Variants in MCC observed in about 807,000 individuals in gnomAD.
The protein encoded by MCC is MCC regulator of Wnt signaling pathway.
A neutral mutation model predicts 116.2 loss-of-function variants in MCC; 90 were observed. The observed-to-expected ratio is 0.77, with a 90% confidence interval of 0.65 to 0.92. The LOEUF is 0.92. Among genes scored for constraint, MCC ranks in the 40% least tolerant of loss-of-function variants. The probability of loss-of-function intolerance (pLI) is 0.00; values close to 1 mark genes in which losing one functional copy is unlikely to be tolerated. For synonymous variants in MCC, 578 were observed against 510.5 expected (o/e 1.13, Z -1.78); for missense variants, 1,516 against 1,312.2 (o/e 1.16, Z -2.40).
intron 3 of MCC, among the ~76,000 whole-genome samples, chr5:113,244,031 T>C (rs1284571112): frequency 6.6e-6 from 1 of 152,230 alleles, no homozygotes; most frequent in Non-Finnish European, 1.5e-5. Flanking sequence ...CAGGATCCAT[T>C]CTACACTGCA....
intron 1 of MCC, among the ~76,000 whole-genome samples, chr5:113,476,725 T>C (rs1328666963): frequency 6.6e-6 from 1 of 152,096 alleles, no homozygotes. Context: ...AGCAAACTAG[T>C]GGTTGCCTAG....
intron 3 of MCC, among the ~76,000 whole-genome samples, chr5:113,298,237 T>G (rs1766761562): frequency 6.6e-6 from 1 of 152,098 alleles, no homozygotes; most frequent in Admixed American, 6.6e-5. Context: ...GAAGGTCAAT[T>G]AGGGAAATGG....
At chr5:113,032,640 G>T (rs1363137531) in intron 17 of MCC, among the ~76,000 whole-genome samples, 1 of 152,194 alleles carries the variant, frequency 6.6e-6, no homozygotes, top group African/African-American at 2.4e-5. Context: ...GTGAACCAGA[G>T]CAACTCCATC....
intron 3 of MCC, among the ~76,000 whole-genome samples, chr5:113,180,134 G>A (rs1381959811): frequency 3.9e-5 from 6 of 152,170 alleles, no homozygotes; most frequent in African/African-American, 1.4e-4. Context: ...TCCATGAGAA[G>A]TACTTCTTTA....
At chr5:113,044,314 A>C (rs774280066) in intron 16 of MCC, 29 of 192,136 alleles carry the variant, frequency 1.5e-4, no homozygotes, top group Non-Finnish European at 2.4e-4. Flanking sequence ...CATCATCTAA[A>C]GCAAATCATC....
intron 3 of MCC, chr5:113,294,377 G>C: frequency 1.9e-6 from 3 of 1,571,710 alleles, no homozygotes; most frequent in Non-Finnish European, 2.6e-6. Flanking sequence ...TGGCAACTCC[G>C]GAATTCATGA....
intron 3 of MCC, among the ~76,000 whole-genome samples, chr5:113,174,936 T>G (rs1341818385): frequency 6.6e-6 from 1 of 152,118 alleles, no homozygotes; most frequent in Non-Finnish European, 1.5e-5. Flanking sequence ...CATAGTGTGA[T>G]CTCATTTTTA....
chr5:113,044,889 T>A (rs1486361164), intron 16 of MCC, among the ~76,000 whole-genome samples: 1 of 152,200 alleles, frequency 6.6e-6, no homozygotes, highest in Non-Finnish European at 1.5e-5. Flanking sequence ...CAGAAAATTT[T>A]ATAAGATATG....
chr5:113,124,982 G>A (rs998413782), intron 5 of MCC, among the ~76,000 whole-genome samples: 3 of 152,202 alleles, frequency 2.0e-5, no homozygotes, highest in Non-Finnish European at 4.4e-5. Context: ...TTTCAGTTAC[G>A]TCACAAGTGT....
chr5:113,387,204 T>C (rs1210041304), intron 1 of MCC, among the ~76,000 whole-genome samples: 2 of 152,186 alleles, frequency 1.3e-5, no homozygotes, highest in Non-Finnish European at 2.9e-5. Flanking sequence ...AGAAAAGTCA[T>C]TCCAGCTGAC....
intron 1 of MCC, among the ~76,000 whole-genome samples, chr5:113,476,183 A>T (rs2150433854): frequency 6.6e-6 from 1 of 152,340 alleles, no homozygotes; most frequent in Non-Finnish European, 1.5e-5. Context: ...TTTTGAAAAG[A>T]TCGAAAACTA....
chr5:113,449,470 A>G (rs1771322609), intron 1 of MCC, among the ~76,000 whole-genome samples: 1 of 152,186 alleles, frequency 6.6e-6, no homozygotes, highest in African/African-American at 2.4e-5. Context: ...CTCATCTGAC[A>G]TTACCCCAAG....
chr5:113,460,076 G>A (rs368047772), intron 1 of MCC, among the ~76,000 whole-genome samples: 2 of 152,146 alleles, frequency 1.3e-5, no homozygotes, highest in African/African-American at 4.8e-5. Context: ...TCCCTTGTAT[G>A]AAAACAGATG....
Position 113,023,861 on chromosome 5 carries a change from G to GAAAC in MCC, c.*3437_*3440dup, listed in dbSNP as rs1021906043. On this transcript the variant is annotated 3_prime_UTR_variant, in exon 19 of 19. Transcript: ENST00000408903. ...GCTTTATAATTCTCGTGGGCCATAG[G>GAAAC]AAACACCTTCAGAAGGGAACAAGCA... is the stretch of plus-strand genomic sequence containing the variant. The GAAAC allele has an allele frequency of 3.9e-5, 6 of 152,308 alleles. No individual in the cohort carries two copies. The highest frequency in any genetic ancestry group is 1.4e-4 in the African/African-American group (6 of 41,564). The allele number at this position is 152,308 out of a possible 1,614,324, so 9.4% of individuals were successfully genotyped here. A position where few individuals can be genotyped will look rare whatever the true frequency, so the allele number is the denominator to read the frequency against.
intron 11 of MCC, among the ~76,000 whole-genome samples, chr5:113,075,242 G>T (rs772652273): frequency 6.6e-6 from 1 of 152,206 alleles, no homozygotes; most frequent in Non-Finnish European, 1.5e-5. Context: ...CGCCACGCTC[G>T]AATTCTCACT....
chr5:113,225,498 C>A (rs1482044417), intron 3 of MCC, among the ~76,000 whole-genome samples: 2 of 152,194 alleles, frequency 1.3e-5, no homozygotes, highest in African/African-American at 4.8e-5. Flanking sequence ...CTGGAATTTA[C>A]TGAAAGCTGG....
chr5:113,068,020 G>C, intron 13 of MCC, 60 bp downstream of exon 13: 6 of 1,423,860 alleles, frequency 4.2e-6, no homozygotes, highest in African/African-American at 1.4e-5. Context: ...GCTGAGACAG[G>C]GGCAGAAGCA....
chr5:113,346,363 C>G (rs1463925600), intron 2 of MCC, among the ~76,000 whole-genome samples: 1 of 151,792 alleles, frequency 6.6e-6, no homozygotes, highest in Non-Finnish European at 1.5e-5. Context: ...TTTGGGAGGC[C>G]GAGGTAGGTG....
chr5:113,412,625 T>A (rs973233990), intron 1 of MCC, among the ~76,000 whole-genome samples: 1 of 152,228 alleles, frequency 6.6e-6, no homozygotes, highest in Non-Finnish European at 1.5e-5. Flanking sequence ...TGATTTTGTA[T>A]ACTGAGACGT....
Sources: gnomAD v4.1 joint callset for allele counts (sites outside exome capture counted in the v4.1 genomes callset) on GRCh38, gnomAD v4.1.1 for gene constraint, MANE v1.5 for transcripts, NCBI Gene and HGNC (gene_info 2026-07-23, HGNC 2026-07-21) for gene names.